The following ATG101 variants were observed in gnomAD, a reference collection of about 807,000 sequenced individuals.
ATG101 encodes autophagy-related protein 101.
In ATG101, 6 loss-of-function variants were observed where a neutral mutation model predicts 16.7. The observed-to-expected ratio is 0.36, with a 90% confidence interval of 0.20 to 0.71. The LOEUF (loss-of-function observed/expected upper bound fraction) is 0.71, where lower values mean the gene tolerates loss of function less well. Ranked by LOEUF, ATG101 falls within the 30% of genes least tolerant of loss-of-function variation. The pLI, the probability that ATG101 is intolerant of heterozygous loss-of-function variation, is 0.57. For missense variants in ATG101, 200 were observed against 292.5 expected, an observed-to-expected ratio of 0.68 and a Z score of 2.31; for synonymous variants, 108 against 118.1, an observed-to-expected ratio of 0.91 and a Z score of 0.56.
chr12:52,068,192 G>T (rs1939568659), upstream of ATG101, among the ~76,000 whole-genome samples: 1 of 149,918 alleles, frequency 6.7e-6, no homozygotes, highest in African/African-American at 2.5e-5. Flanking sequence ...GATTACAGGT[G>T]CCTGACACCA....
At chr12:52,074,388 G>A (rs959104278) in intron 3 of ATG101, among the ~76,000 whole-genome samples, 7 of 152,198 alleles carry the variant, frequency 4.6e-5, no homozygotes, top group African/African-American at 1.7e-4. Context: ...ACGGCCGGCT[G>A]CTGCTGTTGG....
rs994715903 is a variant in ATG101 at position 52,076,992 on chromosome 12, C to T, written c.459C>T (p.Ile153=). The T allele has an allele frequency of 6.2e-7, 1 of 1,614,224 alleles. No homozygotes were observed. The change falls in exon 4 of 4, where the codon ATC becomes ATT. Residue 153 remains isoleucine (I), a synonymous_variant. Coordinates refer to ENST00000336854, the MANE Select transcript of ATG101 (RefSeq NM_021934.5). The part of the protein sequence containing the change: ...KVGEKLCEKI[I]NIVEVMNRHE... Reference sequence around the variant, plus strand: ...GTGAGAAACTCTGCGAGAAGATCATCAACATCGTGGAGGTGATGAATCGGC... The same window carrying T: ...GTGAGAAACTCTGCGAGAAGATCATTAACATCGTGGAGGTGATGAATCGGC...
chr12:52,071,513 C>G (rs1023802092), intron 2 of ATG101: 1 of 152,150 alleles, frequency 6.6e-6, no homozygotes, highest in Non-Finnish European at 1.5e-5. Flanking sequence ...GTTTGAAGCA[C>G]TAAGAGACAG....
intron 2 of ATG101, among the ~76,000 whole-genome samples, 172 bp from the exon 3 acceptor site, chr12:52,073,403 T>C (rs543030188): frequency 2.0e-4 from 31 of 152,356 alleles, no homozygotes; most frequent in African/African-American, 7.5e-4. Flanking sequence ...ACTGATAACT[T>C]TGAAGCTCTT....
At chr12:52,067,129 A>C (rs1939558959), upstream of ATG101, among the ~76,000 whole-genome samples, 1 of 152,190 alleles carries the variant, frequency 6.6e-6, no homozygotes. Context: ...GATGGTGGAA[A>C]GGCCAGCCTG....
At position 52,077,022 on chromosome 12, in the gene ATG101, G is replaced by A; in HGVS notation, c.489G>A (p.Glu163=). The A allele has an allele frequency of 1.2e-6, 2 of 1,614,186 alleles. No individual in the cohort carries two copies. Among genetic ancestry groups the A allele is most frequent in the Non-Finnish European group, 8.5e-7 (1 of 1,180,044 alleles). ...INIVEVMNRH[E]YLPKMPTQSE... ...TCGTGGAGGTGATGAATCGGCATGA[G>A]TACTTGCCCAAGATGCCCACACAGT... The change falls in exon 4 of 4, where the codon GAG becomes GAA. Residue 163 remains glutamate, a synonymous_variant. Transcript: ENST00000336854.
chr12:52,071,976 A>G (rs1421399742), intron 2 of ATG101, among the ~76,000 whole-genome samples: 1 of 152,182 alleles, frequency 6.6e-6, no homozygotes, highest in African/African-American at 2.4e-5. Context: ...TTTAGTTATT[A>G]TGTTCTAGTT....
upstream of ATG101, among the ~76,000 whole-genome samples, chr12:52,067,811 G>T (rs1939562918): frequency 6.6e-6 from 1 of 150,560 alleles, no homozygotes; most frequent in African/African-American, 2.5e-5. Context: ...GGTTAGGCTG[G>T]TCTCGAACTC....
At position 52,073,725 on chromosome 12, in the gene ATG101, G is replaced by T. The variant is rs371019948; in HGVS notation, c.75G>T (p.Leu25=). ...RQVEEAMLAV[L]HTVLLHRSTG... Reference sequence around the variant, plus strand: ...TGGAGGAGGCCATGCTGGCTGTGCTGCACACGGTGCTTCTGCACCGCAGCA... The same window carrying T: ...TGGAGGAGGCCATGCTGGCTGTGCTTCACACGGTGCTTCTGCACCGCAGCA... Residue 25 remains leucine, a synonymous_variant, in exon 3 of 4, where the codon CTG becomes CTT. Coordinates refer to ENST00000336854, the MANE Select transcript of ATG101 (RefSeq NM_021934.5). The T allele has an allele frequency of 3.1e-6, 5 of 1,614,092 alleles. No homozygotes were observed. In the African/African-American group the frequency reaches 6.7e-5, roughly 22 times the overall value.
intron 3 of ATG101, 100 bp from the exon 4 acceptor site, chr12:52,076,683 TGAC>T: frequency 7.4e-7 from 1 of 1,343,226 alleles, no homozygotes. Context: ...GCTTGGATGA[TGAC>T]TAGAGCTAAG....
chr12:52,076,782 C>T lies in ATG101; in HGVS notation c.253-4C>T. The stretch of plus-strand genomic sequence containing the variant: ...GGCTTGCTCATTCGTTCCCTTCTTC[C>T]CAGGATGCACTGCGCAACTCTGGTG... On this transcript the variant is annotated splice_polypyrimidine_tract_variant and splice_region_variant and intron_variant, in intron 3 of 3. Transcript: ENST00000336854. 2 of 1,611,842 alleles carry T rather than the reference C, an allele frequency of 1.2e-6. No homozygotes were observed. The highest frequency in any genetic ancestry group is 1.7e-6 in the Non-Finnish European group (2 of 1,178,210).
rs965440511 is a variant in ATG101, at chr12:52,070,500, C to T, written c.-77+17C>T. On this transcript the variant is annotated intron_variant, in intron 2 of 3. Coordinates refer to ENST00000336854, the MANE Select transcript of ATG101 (RefSeq NM_021934.5). ...ACACTCAAGGTGGGAATGGGCGCAC[C>T]CTGTGCTCCAGCCAGGCTTGAGAAG... 9 of 152,432 alleles carry T rather than the reference C, an allele frequency of 5.9e-5. No homozygotes were observed. The highest frequency in any genetic ancestry group is 5.2e-4 in the Admixed American group (8 of 15,278). 9.4% of individuals were successfully genotyped at this position (152,432 alleles called of 1,614,324 possible).
At chr12:52,067,666 C>T (rs189491760), upstream of ATG101, among the ~76,000 whole-genome samples, 11 of 151,968 alleles carry the variant, frequency 7.2e-5, no homozygotes, top group South Asian at 8.3e-4. Context: ...CTGCTCACTG[C>T]AACCTCTGCC....
chr12:52,069,674 G>A (rs1247171063), upstream of ATG101: 2 of 152,076 alleles, frequency 1.3e-5, no homozygotes, highest in African/African-American at 2.4e-5. Context: ...CTTCCCTCCA[G>A]TCTCTATGGC....
chr12:52,073,886 T>C lies in ATG101; in HGVS notation c.236T>C (p.Val79Ala). The C allele has an allele frequency of 6.2e-7, 1 of 1,613,562 alleles. No individual in the cohort carries two copies. Among genetic ancestry groups the C allele is most frequent in the South Asian group, 1.1e-5 (1 of 91,060 alleles). ...GAACTGGATCGTGCCCTGCGCAAGG[T>C]TGTTGGGGAGTTCAAGGTAAGGGTG... is the stretch of plus-strand genomic sequence containing the variant. ...SEELDRALRK[V>A]VGEFKDALRN... The change falls in exon 3 of 4, where the codon GTT (valine) becomes GCT (alanine). Residue 79 changes from valine to alanine, a missense_variant. By Grantham distance (64) the Val-to-Ala change is moderately conservative. Transcript: ENST00000336854.
At chr12:52,065,430 T>C (rs1313429365), upstream of ATG101, among the ~76,000 whole-genome samples, 4 of 152,176 alleles carry the variant, frequency 2.6e-5, no homozygotes, top group Non-Finnish European at 5.9e-5. Context: ...AATGAATGAA[T>C]AGACGATTAC....
upstream of ATG101, chr12:52,069,420 C>T (rs1012271769): frequency 3.3e-5 from 5 of 152,322 alleles, no homozygotes; most frequent in East Asian, 9.6e-4. Context: ...GGGATCCCGT[C>T]TGTTACGCAC....
chr12:52,077,384 CCTGCCTCTACTGTCT>C lies in ATG101; in HGVS notation c.*197_*211del, dbSNP rs1939751095. 6.2e-6 allele frequency: 4 copies of C among 647,392 alleles called. No individual in the cohort carries two copies. The Admixed American group carries it at 1.2e-4, about 19-fold the overall frequency. The allele number at this position is 647,392 out of a possible 1,614,324, so 40.1% of individuals were successfully genotyped here. A position where few individuals can be genotyped will look rare whatever the true frequency, so the allele number is the denominator to read the frequency against. Reference sequence around the variant, plus strand: ...TTTTAATCTTTGCTGACGGTTCAGTCCTGCCTCTACTGTCTCTCCATAGCCCTGGTGGGGTCCCCC... The same window carrying C: ...TTTTAATCTTTGCTGACGGTTCAGTCCTCCATAGCCCTGGTGGGGTCCCCC... On this transcript the variant is annotated 3_prime_UTR_variant, in exon 4 of 4. Coordinates refer to ENST00000336854, the MANE Select transcript of ATG101 (RefSeq NM_021934.5).
rs538599360 is a variant in ATG101, at chr12:52,076,875, C to T, written c.342C>T (p.Asp114=). The T allele has an allele frequency of 2.3e-4, 372 of 1,614,166 alleles. 3 individuals carry two copies. The South Asian group carries it at 3.7e-3, about 16-fold the overall frequency. Residue 114 remains aspartate (D), a synonymous_variant, in exon 4 of 4, where the codon GAC becomes GAT. Transcript: ENST00000336854. ...AGAAGTCTCGCTGGCCATTCTCAGA[C>T]GAGTGCATCCCATGGGAAGTGTGGA... ...QKKKSRWPFS[D]ECIPWEVWTV... is the part of the protein sequence containing the mutation.
Sources: allele counts gnomAD v4.1 joint callset (sites outside exome capture counted in the v4.1 genomes callset), GRCh38; gene constraint gnomAD v4.1.1; transcripts MANE v1.5; gene names NCBI Gene and HGNC (gene_info 2026-07-23, HGNC 2026-07-21).